Variants in LY96 observed in about 807,000 individuals in gnomAD.
The protein encoded by LY96 is myeloid differentiation protein-2.
LY96 carries 18 observed loss-of-function variants against 18.9 expected under a neutral mutation model. The ratio of observed to expected loss-of-function variants is 0.95; its 90% CI spans 0.66 to 1.41. The LOEUF is 1.41. Ranked by LOEUF, LY96 falls within the 40% of genes most tolerant of loss-of-function variation. The probability of loss-of-function intolerance (pLI) is 0.00; values close to 1 mark genes in which losing one functional copy is unlikely to be tolerated. For synonymous variants in LY96, 66 were observed against 62.6 expected (o/e 1.06, Z -0.26); for missense variants, 175 against 182.4 (o/e 0.96, Z 0.23).
At chr8:74,077,302 G>A in the LY96 span, among the ~76,000 whole-genome samples, 6 of 152,104 alleles carry the variant, frequency 3.9e-5, no homozygotes, top group Non-Finnish European at 7.4e-5. Context: ...CTAAACAGGC[G>A]CTTTATGAAT....
the LY96 span, among the ~76,000 whole-genome samples, chr8:74,082,892 T>C: frequency 2.0e-5 from 3 of 152,136 alleles, no homozygotes; most frequent in Non-Finnish European, 4.4e-5. Context: ...AGGATGTTCC[T>C]TTCACCCCAG....
the LY96 span, among the ~76,000 whole-genome samples, chr8:74,093,301 T>C: frequency 6.6e-6 from 1 of 152,210 alleles, no homozygotes; most frequent in Non-Finnish European, 1.5e-5. Flanking sequence ...GTTTTCTACA[T>C]GCATGATGAT....
chr8:74,090,381 A>G, the LY96 span, among the ~76,000 whole-genome samples: 1 of 152,240 alleles, frequency 6.6e-6, no homozygotes, highest in South Asian at 2.1e-4. Context: ...AAATACAAAT[A>G]GATAGGATTA....
chr8:74,008,184 A>C (rs1816454951), intron 2 of LY96, among the ~76,000 whole-genome samples: 1 of 152,224 alleles, frequency 6.6e-6, no homozygotes, highest in African/African-American at 2.4e-5. Context: ...TCCAAGGACA[A>C]GGAGTTTCTC....
the LY96 span, among the ~76,000 whole-genome samples, chr8:74,081,090 T>TTTCTTTC: frequency 2.6e-5 from 3 of 113,266 alleles, no homozygotes; most frequent in South Asian, 9.2e-4. Context: ...TCTTTCTCTC[T>TTTCTTTC]TTCTTTCTTT....
chr8:74,005,364 C>T (rs1816390157), intron 2 of LY96, among the ~76,000 whole-genome samples: 1 of 152,152 alleles, frequency 6.6e-6, no homozygotes. Flanking sequence ...AAGTAACACT[C>T]CATCATCTTT....
At chr8:74,062,740 T>C in the LY96 span, among the ~76,000 whole-genome samples, 1 of 152,194 alleles carries the variant, frequency 6.6e-6, no homozygotes, top group African/African-American at 2.4e-5. Context: ...TCCTATGTGG[T>C]ATGTTGCTAA....
chr8:74,005,048 C>T (rs1816384268), intron 2 of LY96, among the ~76,000 whole-genome samples, 163 bp downstream of exon 2: 1 of 152,226 alleles, frequency 6.6e-6, no homozygotes, highest in Admixed American at 6.5e-5. Flanking sequence ...ATCTCATCAT[C>T]TTTGTTGATC....
the LY96 span, among the ~76,000 whole-genome samples, chr8:74,091,433 C>T: frequency 6.6e-6 from 1 of 152,218 alleles, no homozygotes; most frequent in South Asian, 2.1e-4. Context: ...AGATTCTGGG[C>T]TGGCTTTCCT....
the LY96 span, among the ~76,000 whole-genome samples, chr8:74,046,690 C>T: frequency 2.0e-5 from 3 of 152,104 alleles, no homozygotes; most frequent in African/African-American, 7.2e-5. Context: ...ACTGAGAAGG[C>T]TATACTAAGA....
intron 1 of LY96, among the ~76,000 whole-genome samples, chr8:73,999,861 A>G (rs774248181): frequency 5.9e-5 from 9 of 152,238 alleles, no homozygotes; most frequent in Non-Finnish European, 1.0e-4. Context: ...ATTTCTATAT[A>G]TAAGACTATG....
chr8:74,094,488 A>G, the LY96 span, among the ~76,000 whole-genome samples: 7 of 152,158 alleles, frequency 4.6e-5, no homozygotes, highest in Non-Finnish European at 1.0e-4. Flanking sequence ...GACATTATTC[A>G]TGTTATTAAT....
the LY96 span, among the ~76,000 whole-genome samples, chr8:74,053,827 T>C: frequency 6.6e-5 from 10 of 152,192 alleles, no homozygotes; most frequent in Non-Finnish European, 1.3e-4. Context: ...GATGTCAGGG[T>C]AAGACCCCCA....
chr8:73,995,551 C>T (rs1185534999), intron 1 of LY96, among the ~76,000 whole-genome samples: 4 of 151,966 alleles, frequency 2.6e-5, no homozygotes, highest in Admixed American at 6.6e-5. Context: ...TGAATGGGGA[C>T]GAGAGGAATG....
chr8:74,087,065 T>C, the LY96 span, among the ~76,000 whole-genome samples: 1 of 152,188 alleles, frequency 6.6e-6, no homozygotes, highest in Non-Finnish European at 1.5e-5. Context: ...AAGAAGATCA[T>C]GACAGAATGG....
At chr8:74,041,029 G>A in the LY96 span, among the ~76,000 whole-genome samples, 7 of 152,070 alleles carry the variant, frequency 4.6e-5, no homozygotes, top group African/African-American at 7.3e-5. Context: ...TTAGTGTTGC[G>A]GGAAGTCAGG....
At chr8:74,048,775 C>T in the LY96 span, 1 of 121,366 alleles carries the variant, frequency 8.2e-6, no homozygotes, top group African/African-American at 4.0e-5. Flanking sequence ...GTGATGTGGT[C>T]CATATGAAGG....
the LY96 span, among the ~76,000 whole-genome samples, chr8:74,063,699 C>A: frequency 4.1e-5 from 6 of 144,804 alleles, no homozygotes; most frequent in African/African-American, 1.7e-4. Flanking sequence ...TTATGATTTT[C>A]TTCATAAAGA....
At chr8:74,076,504 T>C in the LY96 span, among the ~76,000 whole-genome samples, 1 of 152,066 alleles carries the variant, frequency 6.6e-6, no homozygotes, top group African/African-American at 2.4e-5. Context: ...TTTGTATTTT[T>C]AGTAGAGACG....
Sources: gnomAD v4.1 joint callset for allele counts (sites outside exome capture counted in the v4.1 genomes callset) on GRCh38, gnomAD v4.1.1 for gene constraint, MANE v1.5 for transcripts, NCBI Gene and HGNC (gene_info 2026-07-23, HGNC 2026-07-21) for gene names.